AGAP9: variants seen among roughly 807,000 people sequenced by gnomAD.
AGAP9 encodes ArfGAP with GTPase domain, ankyrin repeat and PH domain 9, also known as arf-GAP with GTPase, ANK repeat and PH domain-containing protein 9.
In AGAP9, 23 loss-of-function variants were observed where a neutral mutation model predicts 55.6. The observed-to-expected ratio is 0.41, with a 90% CI of 0.30 to 0.59. The LOEUF is 0.59. Among genes scored for constraint, AGAP9 ranks in the 20% least tolerant of loss-of-function variants. AGAP9 has a pLI of 0.25. For synonymous variants in AGAP9, 120 were observed against 305.0 expected (o/e 0.39, Z 6.32); for missense variants, 309 against 808.1 (o/e 0.38, Z 7.49).
At position 47,502,598 on chromosome 10, in the gene AGAP9, T is replaced by C. The variant is rs1388470352; in HGVS notation, c.1531A>G (p.Thr511Ala). The change falls in exon 8 of 8, where the codon ACC becomes GCC. Residue 511 changes from threonine (T) to alanine (A), a missense_variant. Physicochemically the swap from Thr to Ala is moderately conservative, Grantham distance 58. Coordinates refer to ENST00000452145, the MANE Select transcript of AGAP9 (RefSeq NM_001190810.1). ...ECSGIHRSFGTRLSRVRSLEL... is the reference protein window; with the variant it reads ...ECSGIHRSFGARLSRVRSLEL... ...AGAGATCGCACACGGGAAAGGCGGG[T>C]GCCAAAACTGCGGTGGATACCTGAG... 155 of 1,571,266 alleles carry C rather than the reference T, an allele frequency of 9.9e-5. 10 individuals are homozygous for C. The highest frequency in any genetic ancestry group is 6.8e-5 in the Non-Finnish European group (78 of 1,152,174).
At chr10:47,510,935 A>AATTTATTT (rs1174596618) in intron 4 of AGAP9, among the ~76,000 whole-genome samples, 3 of 113,504 alleles carry the variant, frequency 2.6e-5, no homozygotes, top group Non-Finnish European at 3.6e-5. Context: ...TTAATTAATT[A>AATTTATTT]ATTTATTTAT....
chr10:47,510,010 G>A (rs1315410907), intron 5 of AGAP9, among the ~76,000 whole-genome samples, 161 bp downstream of exon 5: 4 of 141,924 alleles, frequency 2.8e-5, no homozygotes, highest in Admixed American at 7.2e-5. Flanking sequence ...CCACCACGAC[G>A]TCTAAGATTA....
chr10:47,510,829 C>CAAA (rs1180008752), intron 4 of AGAP9, among the ~76,000 whole-genome samples: 2 of 27,318 alleles, frequency 7.3e-5, no homozygotes, highest in Non-Finnish European at 1.3e-4. Flanking sequence ...GACTCCGTCT[C>CAAA]AAAAAAAAAA....
chr10:47,502,595 G>A lies in AGAP9; in HGVS notation c.1534C>T (p.Arg512Cys), dbSNP rs1426387147. ...TCCAGAGATCGCACACGGGAAAGGC[G>A]GGTGCCAAAACTGCGGTGGATACCT... ...CSGIHRSFGT[R>C]LSRVRSLELD... Residue 512 changes from arginine (R) to cysteine (C), a missense_variant, in exon 8 of 8, where the codon CGC (arginine) becomes TGC (cysteine). Arg to Cys is a radical substitution (Grantham distance 180). Coordinates refer to ENST00000452145, the MANE Select transcript of AGAP9 (RefSeq NM_001190810.1). The A allele has an allele frequency of 9.5e-5, 150 of 1,572,056 alleles. 15 individuals carry two copies. The highest frequency in any genetic ancestry group is 6.4e-4 in the African/African-American group (46 of 72,034).
chr10:47,514,369 A>T (rs1457873034), intron 4 of AGAP9, among the ~76,000 whole-genome samples: 2 of 148,320 alleles, frequency 1.3e-5, no homozygotes, highest in Non-Finnish European at 3.0e-5. Context: ...CTCAGCATGG[A>T]AAACCAAATA....
At position 47,502,405 on chromosome 10, in the gene AGAP9, A is replaced by G; in HGVS notation, c.1724T>C (p.Leu575Pro). 6.2e-7 allele frequency: 1 copy of G among 1,610,266 alleles called. No homozygotes were observed. Among genetic ancestry groups the G allele is most frequent in the Non-Finnish European group, 8.5e-7 (1 of 1,179,662 alleles). Residue 575 changes from leucine (L) to proline (P), a missense_variant, in exon 8 of 8, where the codon CTC becomes CCC. Leu to Pro is a moderately conservative substitution (Grantham distance 98). Transcript: ENST00000452145. ...WWIRSKYEEK[L>P]FLAPLPCTEL... ...AGTGCAGGGTAGTGGGGCCAGAAAGAGCTTCTCCTCATATTTGGAACGGAT... is the reference window on the plus strand; with the variant it reads ...AGTGCAGGGTAGTGGGGCCAGAAAGGGCTTCTCCTCATATTTGGAACGGAT...
rs1268171815 is a variant in AGAP9 at position 47,502,155 on chromosome 10, G to C, written c.1974C>G (p.Arg658=). Residue 658 remains arginine (R), a synonymous_variant, in exon 8 of 8, where the codon CGC becomes CGG. Transcript: ENST00000452145. ...SWPEMPTGTQ[R] ...CTGGAGGCCTGCCGGGCGTAGGTCA[G>C]CGCTGTGTTCCCGTGGGCATCTCGG... The C allele has an allele frequency of 2.6e-6, 4 of 1,567,074 alleles. No individual in the cohort carries two copies. The South Asian group carries it at 4.5e-5, about 18-fold the overall frequency.
At chr10:47,504,839 A>T (rs1353448120) in intron 6 of AGAP9, among the ~76,000 whole-genome samples, 1 of 133,656 alleles carries the variant, frequency 7.5e-6, no homozygotes, top group Admixed American at 7.8e-5. Flanking sequence ...AAGAGGTCAT[A>T]ACTGTTCTTT....
At chr10:47,521,442 C>T (rs1483086085) in intron 2 of AGAP9, among the ~76,000 whole-genome samples, 1 of 140,034 alleles carries the variant, frequency 7.1e-6, no homozygotes, top group Non-Finnish European at 1.5e-5. Flanking sequence ...TACAAAGTCA[C>T]ACTCATAATG....
rs1840379186 is a variant in AGAP9 at position 47,502,658 on chromosome 10, T to C, written c.1471A>G (p.Ser491Gly). 1.9e-6 allele frequency: 3 copies of C among 1,608,234 alleles called. No individual in the cohort carries two copies. The African/African-American group carries it at 4.1e-5, about 22-fold the overall frequency. ...DCETQNPKWA[S>G]LNLGVLMCIE... is the part of the protein sequence containing the mutation. ...CACATGAGGACTCCCAAGTTCAAACTGGCCCACTTAGGATTCTGGGTCTCA... is the reference window on the plus strand; with the variant it reads ...CACATGAGGACTCCCAAGTTCAAACCGGCCCACTTAGGATTCTGGGTCTCA... Residue 491 changes from serine to glycine, a missense_variant, in exon 8 of 8, where the codon AGT becomes GGT. Transcript: ENST00000452145.
rs1251576156 is a variant in AGAP9 at position 47,516,052 on chromosome 10, TAG to T, written c.396+1769_396+1770del. Among the ~76,000 whole-genome samples the T allele has an allele frequency of 9.6e-4, 118 of 123,340 alleles. 13 individuals are homozygous for T. The highest frequency in any genetic ancestry group is 3.7e-3 in the African/African-American group (116 of 31,530). The allele number at this position is 123,340 out of a possible 152,430, so 80.9% of individuals were successfully genotyped here. On this transcript the variant is annotated intron_variant, in intron 4 of 7. Coordinates refer to ENST00000452145, the MANE Select transcript of AGAP9 (RefSeq NM_001190810.1). ...AAAATATAAAATTCAATAGAAATAG[TAG>T]AGGATAAAGTCACAGAATATCCCAG... is the stretch of plus-strand genomic sequence containing the variant.
At chr10:47,513,097 T>G (rs1840660357) in intron 4 of AGAP9, among the ~76,000 whole-genome samples, 1 of 145,836 alleles carries the variant, frequency 6.9e-6, no homozygotes, top group Non-Finnish European at 1.5e-5. Flanking sequence ...TGCAATGCGG[T>G]GATCTTGGCT....
chr10:47,507,715 C>T, intron 5 of AGAP9, 132 bp from the exon 6 acceptor site: 4 of 622,996 alleles, frequency 6.4e-6, no homozygotes, highest in Non-Finnish European at 1.1e-5. Flanking sequence ...AGAACAGTAC[C>T]ATAAGGGCAC....
chr10:47,514,318 C>A (rs1334809651), intron 4 of AGAP9, among the ~76,000 whole-genome samples: 6 of 150,238 alleles, frequency 4.0e-5, no homozygotes, highest in African/African-American at 1.5e-4. Flanking sequence ...GCATTCCCAG[C>A]AACCTGGATG....
rs1240325744 is a variant in AGAP9 at position 47,510,943 on chromosome 10, T to A, written c.397-672A>T. 6.3e-3 allele frequency among the ~76,000 whole-genome samples: 806 copies of A among 127,448 alleles called. 16 individuals carry two copies. Among genetic ancestry groups the A allele is most frequent in the African/African-American group, 0.015 (499 of 33,040 alleles). The allele number at this position is 127,448 out of a possible 152,430, so 83.6% of individuals were successfully genotyped here. ...TAATTAATTAATTAATTAATTTATT[T>A]ATTTATTTATTTATTTTTGAGACGG... is the stretch of plus-strand genomic sequence containing the variant. On this transcript the variant is annotated intron_variant, in intron 4 of 7. Coordinates refer to ENST00000452145, the MANE Select transcript of AGAP9 (RefSeq NM_001190810.1).
chr10:47,518,760 G>A (rs1840761418), intron 3 of AGAP9, among the ~76,000 whole-genome samples: 1 of 134,766 alleles, frequency 7.4e-6, no homozygotes. Flanking sequence ...TGGACATGGT[G>A]TCTGAAGCTC....
At position 47,502,614 on chromosome 10, in the gene AGAP9, G is replaced by C. The variant is rs1200590575; in HGVS notation, c.1515C>G (p.Ile505Met). Reference protein sequence around the residue: ...GVLMCIECSGIHRSFGTRLSR... With the variant: ...GVLMCIECSGMHRSFGTRLSR... ...AAAGGCGGGTGCCAAAACTGCGGTG[G>C]ATACCTGAGCATTCAATACACATGA... The change falls in exon 8 of 8, where the codon ATC becomes ATG. Residue 505 changes from isoleucine (I) to methionine (M), a missense_variant. Physicochemically the swap from Ile to Met is conservative, Grantham distance 10 (BLOSUM62 1). Transcript: ENST00000452145. 3.6e-4 allele frequency: 580 copies of C among 1,593,522 alleles called. 28 individuals carry two copies. The African/African-American group carries it at 6.5e-3, about 18-fold the overall frequency.
chr10:47,508,946 CATG>C lies in AGAP9; in HGVS notation c.497+1222_497+1224del, dbSNP rs1388190655. ...CACTGACAACAGTGCACTACTGATT[CATG>C]ATAAAACATTTTTCAATATATCTTC... On this transcript the variant is annotated intron_variant, in intron 5 of 7. Coordinates refer to ENST00000452145, the MANE Select transcript of AGAP9 (RefSeq NM_001190810.1). Among the ~76,000 whole-genome samples, 9 of 129,372 alleles carry C rather than the reference CATG, an allele frequency of 7.0e-5. 2 individuals carry two copies. The highest frequency in any genetic ancestry group is 3.2e-4 in the African/African-American group (9 of 28,188). The allele number at this position is 129,372 out of a possible 152,430, so 84.9% of individuals were successfully genotyped here.
At chr10:47,511,180 T>C (rs1373003225) in intron 4 of AGAP9, among the ~76,000 whole-genome samples, 13,207 of 130,724 alleles carry the variant, frequency 0.1, 2,376 homozygotes, top group African/African-American at 0.34. Flanking sequence ...CCTCACCTCG[T>C]GATCTGCCTG....
Sources: allele counts gnomAD v4.1 joint callset (sites outside exome capture counted in the v4.1 genomes callset), GRCh38; gene constraint gnomAD v4.1.1; transcripts MANE v1.5; gene names NCBI Gene and HGNC (gene_info 2026-07-23, HGNC 2026-07-21).